Variants in SMS observed in about 807,000 individuals in gnomAD.
The protein encoded by SMS is spermine synthase.
Under a neutral mutation model 33.0 loss-of-function variants are expected in SMS, and 3 were observed. That is an observed-to-expected ratio of 0.09 (90% CI 0.04 to 0.23). SMS has a LOEUF of 0.23. Ranked by LOEUF, SMS falls within the 10% of genes least tolerant of loss-of-function variation. The pLI is 1.00. For synonymous variants in SMS, 103 were observed against 112.2 expected (o/e 0.92, Z 0.52); for missense variants, 117 against 288.6 (o/e 0.41, Z 4.31).
intron 1 of SMS, among the ~76,000 whole-genome samples, chrX:21,951,126 T>A (rs1569341900): frequency 8.9e-6 from 1 of 112,222 alleles, no homozygotes; most frequent in Non-Finnish European, 1.9e-5. Flanking sequence ...GACTTTTTAA[T>A]AAGGACCATT....
chrX:21,990,640 T>G (rs963686725), intron 9 of SMS, among the ~76,000 whole-genome samples: 4 of 112,613 alleles, frequency 3.6e-5, no homozygotes, highest in African/African-American at 1.3e-4. Context: ...AAGAACAAAT[T>G]GAAACTTTCC....
chrX:21,958,969 G>A (rs1289571393), intron 1 of SMS, among the ~76,000 whole-genome samples: 3 of 113,024 alleles, frequency 2.7e-5, no homozygotes, highest in East Asian at 2.8e-4. Flanking sequence ...TGAATAGTGC[G>A]TGGATAACCA....
intron 1 of SMS, among the ~76,000 whole-genome samples, chrX:21,958,779 C>T (rs1273181383): frequency 1.3e-4 from 15 of 112,905 alleles, no homozygotes; most frequent in African/African-American, 4.8e-4. Context: ...CGGGTTCAAG[C>T]GATTTTCCTG....
chrX:21,944,249 C>T (rs758867235), intron 1 of SMS, among the ~76,000 whole-genome samples: 1 of 111,259 alleles, frequency 9.0e-6, no homozygotes, highest in African/African-American at 3.3e-5. Flanking sequence ...ACTATAAGGA[C>T]TCTTGAGCCC....
At chrX:21,967,056 TTTTATTTA>T (rs565160089) in intron 1 of SMS, 132 bp from the exon 2 acceptor site, 3,820 of 322,699 alleles carry the variant, frequency 0.012, 33 homozygotes, top group Middle Eastern at 0.019. Context: ...GTTTTTTAAT[TTTTATTTA>T]TTTATTTATT....
intron 7 of SMS, among the ~76,000 whole-genome samples, chrX:21,982,348 A>C (rs1925018191): frequency 9.2e-6 from 1 of 109,242 alleles, no homozygotes; most frequent in African/African-American, 3.3e-5. Context: ...AAAAAAAAAA[A>C]AAAAAAAAGT....
intron 1 of SMS, among the ~76,000 whole-genome samples, chrX:21,943,394 GGGA>G (rs914862750): frequency 2.7e-5 from 3 of 111,936 alleles, no homozygotes; most frequent in Admixed American, 9.5e-5. Context: ...TCGTGTGGGA[GGGA>G]GGAGGAGAAA....
chrX:21,986,163 A>G (rs781473273), intron 9 of SMS, among the ~76,000 whole-genome samples: 1 of 109,951 alleles, frequency 9.1e-6, no homozygotes, highest in Admixed American at 9.7e-5. Flanking sequence ...AGCCTGGCCA[A>G]CATGGTGAAA....
intron 1 of SMS, among the ~76,000 whole-genome samples, chrX:21,943,305 T>G (rs1015219031): frequency 9.0e-6 from 1 of 111,632 alleles, no homozygotes; most frequent in African/African-American, 3.3e-5. Context: ...TTTGTTAAAG[T>G]GGGAAAAGAG....
intron 1 of SMS, among the ~76,000 whole-genome samples, chrX:21,947,945 G>A (rs924128624): frequency 9.0e-6 from 1 of 111,302 alleles, no homozygotes; most frequent in African/African-American, 3.3e-5. Context: ...GGCTGCTTCC[G>A]GGAGATCCCT....
At chrX:21,960,076 T>A in intron 1 of SMS, 3 of 239,423 alleles carry the variant, frequency 1.3e-5, no homozygotes, top group South Asian at 1.9e-4. Context: ...AAAGTGTGAG[T>A]GAGGGCTTGG....
intron 1 of SMS, among the ~76,000 whole-genome samples, chrX:21,951,192 C>T (rs947815688): frequency 1.2e-4 from 14 of 112,505 alleles, no homozygotes; most frequent in African/African-American, 4.5e-4. Flanking sequence ...TCTCTAATGA[C>T]CAGTGATGAT....
At chrX:21,977,872 G>A in intron 5 of SMS, 88 bp from the exon 6 acceptor site, 1 of 923,263 alleles carries the variant, frequency 1.1e-6, no homozygotes, top group Non-Finnish European at 1.6e-6. Context: ...TTACATTTTG[G>A]TCTAGATCCC....
intron 1 of SMS, among the ~76,000 whole-genome samples, chrX:21,962,819 C>T (rs1304028350): frequency 9.0e-6 from 1 of 110,696 alleles, no homozygotes; most frequent in African/African-American, 3.3e-5. Flanking sequence ...CTATGTCCGG[C>T]TAATTTTTGT....
chrX:21,975,756 A>AG (rs889820957), intron 4 of SMS, among the ~76,000 whole-genome samples: 1 of 110,348 alleles, frequency 9.1e-6, no homozygotes, highest in Admixed American at 9.7e-5. Context: ...AATTTATGGG[A>AG]GTTTGCCTTT....
At chrX:21,976,153 G>GA (rs1197888787) in intron 4 of SMS, among the ~76,000 whole-genome samples, 1 of 110,783 alleles carries the variant, frequency 9.0e-6, no homozygotes, top group Non-Finnish European at 1.9e-5. Flanking sequence ...AAGAATGAAT[G>GA]AAAAAATCAT....
At chrX:21,972,610 T>C in intron 4 of SMS, 39 bp downstream of exon 4, 2 of 999,930 alleles carry the variant, frequency 2.0e-6, no homozygotes, top group Non-Finnish European at 2.8e-6. Flanking sequence ...ATTTAATCGA[T>C]TGAAACAATC....
intron 3 of SMS, 130 bp from the exon 4 acceptor site, chrX:21,972,377 C>G: frequency 1.9e-6 from 1 of 516,863 alleles, no homozygotes; most frequent in East Asian, 3.7e-5. Context: ...CTACAGGCTG[C>G]TAGAGGGTAG....
chrX:21,972,280 G>T (rs751421532), intron 3 of SMS, among the ~76,000 whole-genome samples: 79 of 111,470 alleles, frequency 7.1e-4, no homozygotes, highest in African/African-American at 2.4e-3. Context: ...TTCCTCTTCC[G>T]TGTTACTTTG....
Sources: gnomAD v4.1 joint callset for allele counts (sites outside exome capture counted in the v4.1 genomes callset) on GRCh38, gnomAD v4.1.1 for gene constraint, MANE v1.5 for transcripts, NCBI Gene and HGNC (gene_info 2026-07-23, HGNC 2026-07-21) for gene names.